The following SMARCC1 variants were observed in gnomAD, a reference collection of about 807,000 sequenced individuals.
SMARCC1 encodes SWI/SNF related BAF chromatin remodeling complex subunit C1.
Under a neutral mutation model 147.4 loss-of-function variants are expected in SMARCC1, and 43 were observed. The ratio of observed to expected loss-of-function variants is 0.29; its 90% CI spans 0.23 to 0.38. The LOEUF (loss-of-function observed/expected upper bound fraction) is 0.38. Ranked by LOEUF, SMARCC1 falls within the 10% of genes least tolerant of loss-of-function variation. The probability of loss-of-function intolerance (pLI) is 1.00; values close to 1 mark genes in which losing one functional copy is unlikely to be tolerated. For missense variants in SMARCC1, 1,119 were observed against 1,381.1 expected (o/e 0.81, Z 3.01); for synonymous variants, 495 against 484.4 (o/e 1.02, Z -0.29).
At chr3:47,641,417 CA>C (rs755048142) in intron 21 of SMARCC1, among the ~76,000 whole-genome samples, 1 of 152,076 alleles carries the variant, frequency 6.6e-6, no homozygotes, top group Admixed American at 6.5e-5. Context: ...CCTGGGAGGT[CA>C]AGACTGAAGT....
At chr3:47,779,785 A>G (rs1266337808) in intron 1 of SMARCC1, among the ~76,000 whole-genome samples, 1 of 152,218 alleles carries the variant, frequency 6.6e-6, no homozygotes, top group African/African-American at 2.4e-5. Flanking sequence ...CTTCCTTGAT[A>G]TTATTCAAAG....
chr3:47,730,696 G>A (rs1265509739), intron 5 of SMARCC1, among the ~76,000 whole-genome samples: 8 of 151,862 alleles, frequency 5.3e-5, no homozygotes, highest in Admixed American at 2.0e-4. Context: ...TGAAACGCGT[G>A]TCTATTAAAA....
At chr3:47,623,812 T>A (rs553265150) in intron 24 of SMARCC1, among the ~76,000 whole-genome samples, 1 of 152,034 alleles carries the variant, frequency 6.6e-6, no homozygotes, top group Non-Finnish European at 1.5e-5. Context: ...AATAATGTTA[T>A]CAATTTCTGG....
rs879665919 is a variant in SMARCC1, at chr3:47,677,406, T to G, written c.1572-624A>C. Among the ~76,000 whole-genome samples the G allele has an allele frequency of 5.5e-3, 840 of 151,640 alleles. 3 individuals carry two copies. The highest frequency in any genetic ancestry group is 8.7e-3 in the Non-Finnish European group (592 of 67,862). On this transcript the variant is annotated intron_variant, in intron 16 of 27. Transcript: ENST00000254480. ...GTGAGCCACCATGCCTGGCCGTTTT[T>G]TTTTTTTTTTTAATTTCGGCAGAGC...
chr3:47,705,966 C>G (rs2033987832), intron 10 of SMARCC1, among the ~76,000 whole-genome samples: 1 of 152,216 alleles, frequency 6.6e-6, no homozygotes, highest in South Asian at 2.1e-4. Context: ...AAAAGTGTAG[C>G]CCTGAACCAG....
At chr3:47,642,429 A>G (rs934685590) in intron 21 of SMARCC1, among the ~76,000 whole-genome samples, 1 of 152,114 alleles carries the variant, frequency 6.6e-6, no homozygotes, top group Non-Finnish European at 1.5e-5. Flanking sequence ...GTCTCTACTA[A>G]AAGTACAAAA....
At chr3:47,622,455 T>C in intron 24 of SMARCC1, 114 bp from the exon 25 acceptor site, 1 of 948,146 alleles carries the variant, frequency 1.1e-6, no homozygotes, top group African/African-American at 1.7e-5. Flanking sequence ...GTACCCTATA[T>C]GTCTCCTTTG....
At chr3:47,736,266 A>G (rs2034441944) in intron 4 of SMARCC1, 140 bp from the exon 5 acceptor site, 1 of 555,478 alleles carries the variant, frequency 1.8e-6, no homozygotes, top group South Asian at 2.4e-5. Context: ...GAAATTCAGC[A>G]ACTTTTTCAT....
chr3:47,753,445 G>A (rs2034650948), intron 2 of SMARCC1, among the ~76,000 whole-genome samples: 1 of 151,782 alleles, frequency 6.6e-6, no homozygotes, highest in African/African-American at 2.4e-5. Flanking sequence ...CGGGTGCGAT[G>A]GCTCATGCCT....
intron 7 of SMARCC1, among the ~76,000 whole-genome samples, chr3:47,717,009 G>C (rs1025490663): frequency 3.3e-5 from 5 of 152,156 alleles, no homozygotes; most frequent in Non-Finnish European, 5.9e-5. Context: ...ACATGAGACT[G>C]ATTACAAAGC....
intron 3 of SMARCC1, among the ~76,000 whole-genome samples, chr3:47,741,050 A>AT (rs1305136991): frequency 6.6e-6 from 1 of 152,110 alleles, no homozygotes; most frequent in Admixed American, 6.6e-5. Flanking sequence ...CCAAAAAAAG[A>AT]TAAGGAACCA....
At chr3:47,771,410 T>C (rs2034912769) in intron 2 of SMARCC1, among the ~76,000 whole-genome samples, 3 of 152,154 alleles carry the variant, frequency 2.0e-5, no homozygotes, top group Admixed American at 6.6e-5. Flanking sequence ...CCTAAAAAGC[T>C]AGTATTTGTA....
intron 14 of SMARCC1, among the ~76,000 whole-genome samples, chr3:47,684,183 T>C (rs1042663419): frequency 2.9e-5 from 4 of 138,578 alleles, no homozygotes; most frequent in African/African-American, 5.4e-5. Flanking sequence ...GAGCTTGCAG[T>C]GAGCCGAGAT....
chr3:47,691,839 A>C (rs1017021043), intron 12 of SMARCC1, among the ~76,000 whole-genome samples: 1 of 151,938 alleles, frequency 6.6e-6, no homozygotes, highest in Non-Finnish European at 1.5e-5. Context: ...ATGTCTACTA[A>C]TAATACAAAA....
In SMARCC1 at chr3:47,726,058, T is replaced by C. The variant is rs1396252876; in HGVS notation, c.646+2967A>G. On this transcript the variant is annotated intron_variant, in intron 6 of 27. Transcript: ENST00000254480. ...GCCTGGGTAGAAGAGTGAGACTCTGTCTCAAAAAAAAAAAAAAAAAAAAGG... is the reference window on the plus strand; with the variant it reads ...GCCTGGGTAGAAGAGTGAGACTCTGCCTCAAAAAAAAAAAAAAAAAAAAGG... Among the ~76,000 whole-genome samples, 6 of 21,390 alleles carry C rather than the reference T, an allele frequency of 2.8e-4. No homozygotes were observed. The South Asian group carries it at 4.1e-3, about 15-fold the overall frequency. 14.0% of individuals were successfully genotyped at this position (21,390 alleles called of 152,430 possible).
chr3:47,695,164 A>T (rs1384221723), intron 11 of SMARCC1, among the ~76,000 whole-genome samples: 1 of 152,226 alleles, frequency 6.6e-6, no homozygotes, highest in East Asian at 1.9e-4. Flanking sequence ...AGGCCCCTCA[A>T]GAACAGGATT....
intron 24 of SMARCC1, among the ~76,000 whole-genome samples, chr3:47,628,114 G>A (rs1205675931): frequency 1.3e-5 from 2 of 151,562 alleles, no homozygotes; most frequent in African/African-American, 4.9e-5. Context: ...CATCAAATTC[G>A]GAAAGTTTCC....
chr3:47,670,615 C>A, intron 19 of SMARCC1, 43 bp downstream of exon 19: 2 of 1,199,522 alleles, frequency 1.7e-6, no homozygotes, highest in Admixed American at 1.7e-5. Flanking sequence ...AAATGCTAGT[C>A]AAAGAATCTT....
chr3:47,631,571 GA>G (rs764662781), intron 24 of SMARCC1, among the ~76,000 whole-genome samples: 2 of 152,160 alleles, frequency 1.3e-5, no homozygotes, highest in Non-Finnish European at 2.9e-5. Flanking sequence ...TCCTTTAGTT[GA>G]GACAATTCAC....
Sources: gnomAD v4.1 joint callset for allele counts (sites outside exome capture counted in the v4.1 genomes callset) on GRCh38, gnomAD v4.1.1 for gene constraint, MANE v1.5 for transcripts, NCBI Gene and HGNC (gene_info 2026-07-23, HGNC 2026-07-21) for gene names.